The following WWP1 variants were observed in gnomAD, a reference collection of about 807,000 sequenced individuals.
WWP1 encodes the protein NEDD4-like E3 ubiquitin-protein ligase WWP1.
A neutral mutation model predicts 130.6 loss-of-function variants in WWP1; 49 were observed. The ratio of observed to expected loss-of-function variants is 0.38; its 90% CI spans 0.30 to 0.48. The LOEUF (loss-of-function observed/expected upper bound fraction) is 0.48. Ranked by LOEUF, WWP1 falls within the 20% of genes least tolerant of loss-of-function variation. WWP1 has a pLI of 0.99. For missense variants in WWP1, 809 were observed against 1,100.6 expected (o/e 0.74, Z 3.75); for synonymous variants, 332 against 367.8 (o/e 0.90, Z 1.11).
At position 86,461,405 on chromosome 8, in the gene WWP1, TA is replaced by T. The variant is rs575009630; in HGVS notation, c.2596+88del. On this transcript the variant is annotated intron_variant, in intron 23 of 24. Coordinates refer to ENST00000517970, the MANE Select transcript of WWP1 (RefSeq NM_007013.4). ...GACATACAATAGACTTGATTGAACC[TA>T]AAGATTACTCTTCTGTGCTGTAGGT... 2.6e-4 allele frequency: 296 copies of T among 1,158,052 alleles called. No homozygotes were observed. The African/African-American group carries it at 4.1e-3, about 16-fold the overall frequency. The allele number at this position is 1,158,052 out of a possible 1,614,324, so 71.7% of individuals were successfully genotyped here. A position where few individuals can be genotyped will look rare whatever the true frequency, so the allele number is the denominator to read the frequency against.
rs189457179 is a variant in WWP1, at chr8:86,416,400, G to T, written c.1061+4526G>T. Among the ~76,000 whole-genome samples, 451 of 152,248 alleles carry T rather than the reference G, an allele frequency of 3.0e-3. 2 individuals are homozygous for T. Among genetic ancestry groups the T allele is most frequent in the African/African-American group, 0.01 (429 of 41,534 alleles). ...CTGATGCAGTAGGTCAGTGGAGGGA[G>T]AGATTGGCCAATACTAGACAGAAAG... On this transcript the variant is annotated intron_variant, in intron 9 of 24. Coordinates refer to ENST00000517970, the MANE Select transcript of WWP1 (RefSeq NM_007013.4).
chr8:86,435,977 G>A (rs1049383128), intron 16 of WWP1, among the ~76,000 whole-genome samples: 3 of 152,156 alleles, frequency 2.0e-5, no homozygotes, highest in African/African-American at 7.2e-5. Context: ...GGGATTACAG[G>A]CTTGAGCCAC....
rs373799586 is a variant in WWP1, at chr8:86,427,386, TTAAAG to T, written c.1158-252_1158-248del. Among the ~76,000 whole-genome samples the T allele has an allele frequency of 2.1e-4, 32 of 151,586 alleles. 1 individual carries two copies. In the South Asian group the frequency reaches 3.3e-3, roughly 16 times the overall value. Reference sequence around the variant, plus strand: ...ACGTTCTACACATGTATCCCAGAACTTAAAGTAAAATTAAAAAAAAAAGAAAATAA... The same window carrying T: ...ACGTTCTACACATGTATCCCAGAACTTAAAATTAAAAAAAAAAGAAAATAA... On this transcript the variant is annotated intron_variant, in intron 10 of 24. Transcript: ENST00000517970.
chr8:86,402,506 G>A (rs1314403323), intron 8 of WWP1, among the ~76,000 whole-genome samples: 1 of 152,100 alleles, frequency 6.6e-6, no homozygotes, highest in Non-Finnish European at 1.5e-5. Flanking sequence ...GCAACTGGCT[G>A]GTCTCGAACT....
intron 8 of WWP1, among the ~76,000 whole-genome samples, chr8:86,409,721 C>T (rs980446218): frequency 6.6e-6 from 1 of 151,612 alleles, no homozygotes; most frequent in South Asian, 2.1e-4. Flanking sequence ...ACTAACCAGG[C>T]GTGGTGGCGG....
chr8:86,464,293 A>G (rs1811918850), intron 24 of WWP1, among the ~76,000 whole-genome samples: 2 of 152,178 alleles, frequency 1.3e-5, no homozygotes, highest in African/African-American at 2.4e-5. Context: ...ATCAAAATCC[A>G]TATGTTTTCT....
chr8:86,436,771 C>T (rs1214966275), intron 16 of WWP1, among the ~76,000 whole-genome samples: 2 of 152,070 alleles, frequency 1.3e-5, no homozygotes, highest in African/African-American at 4.8e-5. Flanking sequence ...TCTTATTCCC[C>T]CCCTAGTATT....
At chr8:86,361,516 C>T (rs1396299140) in intron 1 of WWP1, among the ~76,000 whole-genome samples, 1 of 152,098 alleles carries the variant, frequency 6.6e-6, no homozygotes, top group Non-Finnish European at 1.5e-5. Context: ...TCCTGGTATT[C>T]TTCATGCTAT....
chr8:86,356,603 T>C (rs1341979082), intron 1 of WWP1, among the ~76,000 whole-genome samples: 1 of 152,084 alleles, frequency 6.6e-6, no homozygotes, highest in East Asian at 1.9e-4. Context: ...GTTGACATAA[T>C]AGAGTAACGA....
intron 7 of WWP1, among the ~76,000 whole-genome samples, chr8:86,401,566 G>T (rs1807981783): frequency 6.9e-6 from 1 of 145,804 alleles, no homozygotes; most frequent in Non-Finnish European, 1.5e-5. Flanking sequence ...AAAAAAAAAA[G>T]TTTACAGTAG....
chr8:86,427,904 C>A, intron 11 of WWP1, 87 bp downstream of exon 11: 1 of 1,327,320 alleles, frequency 7.5e-7, no homozygotes, highest in Non-Finnish European at 1.0e-6. Context: ...TGACCATAAT[C>A]ACATATCTAT....
At chr8:86,411,087 A>G (rs1317556999) in intron 8 of WWP1, among the ~76,000 whole-genome samples, 1 of 152,198 alleles carries the variant, frequency 6.6e-6, no homozygotes, top group African/African-American at 2.4e-5. Flanking sequence ...CTATAGTACT[A>G]TCTTAAGAAC....
intron 22 of WWP1, among the ~76,000 whole-genome samples, chr8:86,458,760 A>G (rs934866542): frequency 1.3e-5 from 2 of 152,154 alleles, no homozygotes; most frequent in African/African-American, 4.8e-5. Context: ...CAAAAGTTGC[A>G]TCTTTTCATA....
intron 11 of WWP1, among the ~76,000 whole-genome samples, chr8:86,430,478 G>T (rs1013017947): frequency 3.3e-5 from 5 of 151,732 alleles, no homozygotes; most frequent in Non-Finnish European, 7.4e-5. Context: ...ATAGAGACAG[G>T]ATCTTCCAGG....
intron 5 of WWP1, among the ~76,000 whole-genome samples, chr8:86,395,116 C>G (rs1225335602): frequency 6.6e-6 from 1 of 152,042 alleles, no homozygotes; most frequent in Non-Finnish European, 1.5e-5. Flanking sequence ...GGCGTACCAT[C>G]AAACCACTGT....
intron 1 of WWP1, among the ~76,000 whole-genome samples, chr8:86,365,567 C>G (rs1823921619): frequency 6.6e-6 from 1 of 152,176 alleles, no homozygotes; most frequent in South Asian, 2.1e-4. Context: ...CTGTTTTACT[C>G]TGCAGCACAC....
Position 86,395,768 on chromosome 8 carries a change from A to T in WWP1, c.335-2574A>T, listed in dbSNP as rs532501258. Among the ~76,000 whole-genome samples the T allele has an allele frequency of 2.0e-5, 3 of 152,402 alleles. No individual in the cohort carries two copies. In the South Asian group the frequency reaches 6.2e-4, roughly 32 times the overall value. ...TTAGAATTGCAGAATTAGTAATAAG[A>T]GAAGATAGTGGAAAAATATCTTCAA... On this transcript the variant is annotated intron_variant, in intron 5 of 24. Coordinates refer to ENST00000517970, the MANE Select transcript of WWP1 (RefSeq NM_007013.4).
At chr8:86,388,342 A>G (rs1284858569) in intron 5 of WWP1, among the ~76,000 whole-genome samples, 3 of 151,456 alleles carry the variant, frequency 2.0e-5, no homozygotes, top group African/African-American at 7.3e-5. Flanking sequence ...GTAGCCTCCA[A>G]CTCCTGGACT....
intron 8 of WWP1, among the ~76,000 whole-genome samples, chr8:86,410,864 C>T (rs1213123316): frequency 6.6e-6 from 1 of 152,128 alleles, no homozygotes; most frequent in Non-Finnish European, 1.5e-5. Flanking sequence ...ATGTCTCCCT[C>T]TGCCATTTCC....
Sources: gnomAD v4.1 joint callset for allele counts (sites outside exome capture counted in the v4.1 genomes callset) on GRCh38, gnomAD v4.1.1 for gene constraint, MANE v1.5 for transcripts, NCBI Gene and HGNC (gene_info 2026-07-23, HGNC 2026-07-21) for gene names.